CPNE1: variants seen among roughly 807,000 people sequenced by gnomAD.
CPNE1 encodes copine-1.
CPNE1 carries 58 observed loss-of-function variants against 63.2 expected under a neutral mutation model. That is an observed-to-expected ratio of 0.92 (90% CI 0.74 to 1.14). The LOEUF (loss-of-function observed/expected upper bound fraction) is 1.14, where lower values mean the gene tolerates loss of function less well. Ranked by LOEUF, CPNE1 falls within the 50% of genes most tolerant of loss-of-function variation. The pLI is 0.00. For missense variants in CPNE1, 672 were observed against 661.7 expected (o/e 1.02, Z -0.17); for synonymous variants, 237 against 249.0 (o/e 0.95, Z 0.45).
Position 35,626,090 on chromosome 20 carries a change from G to T in CPNE1, c.*151C>A. ...TGAATGAGGGTTGTCAGGAGCAAAGGTGGGATCAAGAGCAGCAAAAGCAGA... is the reference window on the plus strand; with the variant it reads ...TGAATGAGGGTTGTCAGGAGCAAAGTTGGGATCAAGAGCAGCAAAAGCAGA... On this transcript the variant is annotated 3_prime_UTR_variant, in exon 16 of 16. Transcript: ENST00000397443. 1 of 812,668 alleles carries T rather than the reference G, an allele frequency of 1.2e-6. No individual in the cohort carries two copies. The highest frequency in any genetic ancestry group is 2.1e-6 in the Non-Finnish European group (1 of 477,802). 50.3% of individuals were successfully genotyped at this position (812,668 alleles called of 1,614,324 possible).
intron 1 of CPNE1, chr20:35,649,982 A>T (rs959474767): frequency 6.6e-6 from 1 of 152,564 alleles, no homozygotes; most frequent in African/African-American, 2.4e-5. Context: ...TCTACCCCAA[A>T]CCTAGTTCTT....
At chr20:35,632,284 C>G (rs1217661496) in intron 4 of CPNE1, 27 bp downstream of exon 4, 3 of 1,613,680 alleles carry the variant, frequency 1.9e-6, no homozygotes, top group Non-Finnish European at 2.5e-6. Flanking sequence ...TGTTAAGTCC[C>G]TCCTCAACCC....
chr20:35,638,886 A>G (rs575901026), intron 1 of CPNE1, among the ~76,000 whole-genome samples: 8 of 152,358 alleles, frequency 5.3e-5, no homozygotes, highest in African/African-American at 1.7e-4. Flanking sequence ...AGGCAAAACG[A>G]ATCTGTGATG....
At chr20:35,654,302 G>C (rs750363901) in intron 1 of CPNE1, 4 of 1,613,864 alleles carry the variant, frequency 2.5e-6, no homozygotes, top group East Asian at 2.2e-5. Flanking sequence ...CCATTATTTC[G>C]ACCTACATGA....
At chr20:35,647,004 T>C (rs1173994315) in intron 1 of CPNE1, among the ~76,000 whole-genome samples, 2 of 151,992 alleles carry the variant, frequency 1.3e-5, no homozygotes, top group Non-Finnish European at 2.9e-5. Flanking sequence ...CCCTAACCTT[T>C]AACATTTTAA....
At chr20:35,655,028 G>C (rs762669025) in intron 1 of CPNE1, 5 of 1,614,152 alleles carry the variant, frequency 3.1e-6, no homozygotes, top group Admixed American at 1.7e-5. Flanking sequence ...GCATTTGCTG[G>C]TGGTATATCT....
intron 1 of CPNE1, chr20:35,653,030 G>C: frequency 6.2e-7 from 1 of 1,613,816 alleles, no homozygotes; most frequent in Admixed American, 1.7e-5. Flanking sequence ...TCCAGTCCTA[G>C]ACCAGGCAAA....
chr20:35,632,131 C>T (rs749198571), intron 5 of CPNE1, 32 bp downstream of exon 5: 1 of 1,611,724 alleles, frequency 6.2e-7, no homozygotes, highest in East Asian at 2.2e-5. Flanking sequence ...CCCCTTAACT[C>T]TTGGATTACC....
intron 1 of CPNE1, among the ~76,000 whole-genome samples, chr20:35,634,997 G>A (rs941480450): frequency 5.4e-5 from 8 of 147,154 alleles, no homozygotes; most frequent in Non-Finnish European, 8.9e-5. Context: ...ACCCACCTCA[G>A]CCTCCCAAAG....
At chr20:35,628,186 G>A (rs998449648) in intron 13 of CPNE1, among the ~76,000 whole-genome samples, 1 of 152,088 alleles carries the variant, frequency 6.6e-6, no homozygotes, top group African/African-American at 2.4e-5. Context: ...TCGGGAGGCT[G>A]AGGCAGGAGA....
intron 1 of CPNE1, among the ~76,000 whole-genome samples, chr20:35,646,189 C>A (rs1353425782): frequency 7.3e-6 from 1 of 136,106 alleles, no homozygotes; most frequent in Non-Finnish European, 1.5e-5. Context: ...CCCAGGACAT[C>A]GAGGTTACAG....
At chr20:35,648,804 T>G (rs1392049800) in intron 1 of CPNE1, 1 of 152,216 alleles carries the variant, frequency 6.6e-6, no homozygotes, top group Non-Finnish European at 1.5e-5. Flanking sequence ...AAGCAACAAT[T>G]TTTACCTCTC....
chr20:35,661,573 C>T (rs541735364), intron 1 of CPNE1, among the ~76,000 whole-genome samples: 2 of 152,266 alleles, frequency 1.3e-5, no homozygotes, highest in South Asian at 4.2e-4. Context: ...TTCATATTAT[C>T]AGGAATTAGT....
At position 35,626,152 on chromosome 20, in the gene CPNE1, G is replaced by A. The variant is rs748463128; in HGVS notation, c.*89C>T. On this transcript the variant is annotated 3_prime_UTR_variant, in exon 16 of 16. Coordinates refer to ENST00000397443, the MANE Select transcript of CPNE1 (RefSeq NM_152925.3). ...AAGTATCAAAAAATACAAAGTGCTA[G>A]CACTGAGGAGAGTGAGAAGGGTTGG... The A allele has an allele frequency of 5.6e-5, 74 of 1,322,108 alleles. No individual in the cohort carries two copies. Among genetic ancestry groups the A allele is most frequent in the Non-Finnish European group, 7.6e-5 (70 of 915,118 alleles). 81.9% of individuals were successfully genotyped at this position (1,322,108 alleles called of 1,614,324 possible).
intron 1 of CPNE1, among the ~76,000 whole-genome samples, chr20:35,638,317 T>C (rs1423401222): frequency 6.6e-6 from 1 of 152,190 alleles, no homozygotes; most frequent in Non-Finnish European, 1.5e-5. Flanking sequence ...TACAACTCAA[T>C]ATTAAATGAT....
chr20:35,631,418 C>T (rs6087727), intron 8 of CPNE1, 64 bp from the exon 9 acceptor site: 1 of 1,602,018 alleles, frequency 6.2e-7, no homozygotes, highest in Non-Finnish European at 8.6e-7. Context: ...CTCGAGCTGC[C>T]TTCTCCTTCC....
chr20:35,626,446 T>C (rs6060516), intron 15 of CPNE1, 65 bp from the exon 16 acceptor site: 318,428 of 1,602,854 alleles, frequency 0.2, 35,134 homozygotes, highest in African/African-American at 0.39. Flanking sequence ...TATTTCATGC[T>C]CAAGAACCCA....
intron 13 of CPNE1, chr20:35,627,663 G>A: frequency 2.7e-6 from 1 of 371,696 alleles, no homozygotes; most frequent in Non-Finnish European, 4.9e-6. Flanking sequence ...GACAAATCCA[G>A]GAGAGTTTGA....
In CPNE1 at chr20:35,631,578, C is replaced by T. The variant is rs774139541; in HGVS notation, c.628G>A (p.Val210Met). The change falls in exon 8 of 16, where the codon GTG (valine) becomes ATG (methionine). Residue 210 changes from valine (V) to methionine (M), a missense_variant and splice_region_variant. By Grantham distance (21) the Val-to-Met change is conservative. Coordinates refer to ENST00000397443, the MANE Select transcript of CPNE1 (RefSeq NM_152925.3). ...CGGNPSTPIQ[V>M]QCSDYDSDGS... is the part of the protein sequence containing the mutation. Reference sequence around the variant, plus strand: ...TCACTGTCATAATCGGAGCATTGCACCTGAGGGAAAGGTGTGTGTGGACAT... The same window carrying T: ...TCACTGTCATAATCGGAGCATTGCATCTGAGGGAAAGGTGTGTGTGGACAT... 1.5e-5 allele frequency: 24 copies of T among 1,613,576 alleles called. No individual in the cohort carries two copies. Among genetic ancestry groups the T allele is most frequent in the Non-Finnish European group, 1.9e-5 (23 of 1,179,716 alleles).
Sources: gnomAD v4.1 joint callset for allele counts (sites outside exome capture counted in the v4.1 genomes callset) on GRCh38, gnomAD v4.1.1 for gene constraint, MANE v1.5 for transcripts, NCBI Gene and HGNC (gene_info 2026-07-23, HGNC 2026-07-21) for gene names.